Variants in CTNND2 observed in about 807,000 individuals in gnomAD.
CTNND2 encodes the protein catenin delta 2.
A neutral mutation model predicts 144.4 loss-of-function variants in CTNND2; 22 were observed. The observed-to-expected ratio is 0.15, with a 90% CI of 0.11 to 0.22. The LOEUF is 0.22. CTNND2 is among the 10% of genes least tolerant of loss of function. CTNND2 has a pLI of 1.00. For missense variants in CTNND2, 1,353 were observed against 1,618.8 expected (o/e 0.84, Z 2.82); for synonymous variants, 751 against 695.6 (o/e 1.08, Z -1.25).
intron 2 of CTNND2, among the ~76,000 whole-genome samples, chr5:11,704,263 G>T (rs1400936519): frequency 1.3e-5 from 2 of 152,208 alleles, no homozygotes; most frequent in African/African-American, 4.8e-5. Flanking sequence ...ACAATCCAAT[G>T]CATGGCCTTG....
intron 2 of CTNND2, among the ~76,000 whole-genome samples, chr5:11,674,716 T>TTTGTTTGTTTGGTTGGTTGGTTGG (rs368963579): frequency 6.6e-6 from 1 of 150,886 alleles, no homozygotes; most frequent in African/African-American, 2.5e-5. Flanking sequence ...TGTTTGTTTG[T>TTTGTTTGTTTGGTTGGTTGGTTGG]TTGGTTGGTT....
intron 6 of CTNND2, among the ~76,000 whole-genome samples, chr5:11,388,858 C>G (rs557413016): frequency 4.2e-4 from 64 of 152,178 alleles, no homozygotes; most frequent in Non-Finnish European, 8.4e-4. Context: ...TCAATTCTAC[C>G]TTAAAAGTAT....
chr5:10,995,336 A>T (rs1240940663), intron 18 of CTNND2, among the ~76,000 whole-genome samples: 2 of 152,158 alleles, frequency 1.3e-5, no homozygotes, highest in African/African-American at 4.8e-5. Flanking sequence ...GGAGGGTGTG[A>T]CTGTGGCATC....
intron 1 of CTNND2, among the ~76,000 whole-genome samples, chr5:11,823,103 C>T (rs1793405208): frequency 6.6e-6 from 1 of 152,182 alleles, no homozygotes; most frequent in Admixed American, 6.5e-5. Context: ...TCAGTGCATA[C>T]TTTTAATATT....
chr5:11,482,140 A>ATG (rs1045753730), intron 3 of CTNND2, among the ~76,000 whole-genome samples: 53 of 152,158 alleles, frequency 3.5e-4, no homozygotes, highest in Admixed American at 8.5e-4. Flanking sequence ...CGTGGACACT[A>ATG]TGGCACTGAC....
At chr5:11,195,268 T>C (rs1047021963) in intron 11 of CTNND2, among the ~76,000 whole-genome samples, 5 of 152,206 alleles carry the variant, frequency 3.3e-5, no homozygotes, top group African/African-American at 1.2e-4. Context: ...GAATTTTCCA[T>C]CTAGAATTGT....
chr5:11,340,513 T>A (rs16901522), intron 9 of CTNND2, among the ~76,000 whole-genome samples: 4,696 of 152,242 alleles, frequency 0.031, 264 homozygotes, highest in East Asian at 0.16. Flanking sequence ...TGTCTGATTT[T>A]CCCATTTCAA....
At chr5:11,407,176 A>G (rs16901600) in intron 5 of CTNND2, among the ~76,000 whole-genome samples, 2,116 of 152,312 alleles carry the variant, frequency 0.014, 56 homozygotes, top group African/African-American at 0.048. Flanking sequence ...CATTATGTAG[A>G]AAGCTAATGG....
chr5:11,170,237 C>T (rs991272196), intron 11 of CTNND2, among the ~76,000 whole-genome samples: 2 of 152,116 alleles, frequency 1.3e-5, no homozygotes, highest in African/African-American at 2.4e-5. Context: ...AGAGATGTGG[C>T]GTGCTATCCT....
intron 2 of CTNND2, among the ~76,000 whole-genome samples, chr5:11,687,671 A>G (rs886195473): frequency 6.6e-6 from 1 of 152,212 alleles, no homozygotes; most frequent in Non-Finnish European, 1.5e-5. Context: ...CCTCCTTTCC[A>G]GAGCTAAAAA....
rs112364462 is a variant in CTNND2, at chr5:11,778,742, T to C, written c.38-46470A>G. 4.6e-3 allele frequency among the ~76,000 whole-genome samples: 696 copies of C among 152,198 alleles called. 10 individuals are homozygous for C. Among genetic ancestry groups the C allele is most frequent in the African/African-American group, 0.014 (593 of 41,514 alleles). On this transcript the variant is annotated intron_variant, in intron 1 of 21. Transcript: ENST00000304623. ...AAAGGAAAAGGATACTGGAGAAACA[T>C]TGAGGAAATATGAATGAACTACAGG...
chr5:11,813,022 T>G (rs907048057), intron 1 of CTNND2, among the ~76,000 whole-genome samples: 2 of 152,210 alleles, frequency 1.3e-5, no homozygotes, highest in African/African-American at 4.8e-5. Flanking sequence ...TGTTTTAGAA[T>G]CTTATTTGTA....
At chr5:11,755,972 T>C (rs1461736772) in intron 1 of CTNND2, among the ~76,000 whole-genome samples, 4 of 151,678 alleles carry the variant, frequency 2.6e-5, no homozygotes, top group Non-Finnish European at 4.4e-5. Context: ...TGAAGAACCA[T>C]TGCTGAAGAA....
chr5:11,558,617 G>C (rs749977140), intron 3 of CTNND2, among the ~76,000 whole-genome samples: 1 of 152,096 alleles, frequency 6.6e-6, no homozygotes, highest in African/African-American at 2.4e-5. Flanking sequence ...CAATCCACCT[G>C]CTTTGGTCTC....
chr5:11,286,290 A>G (rs1008933533), intron 9 of CTNND2, among the ~76,000 whole-genome samples: 4 of 152,200 alleles, frequency 2.6e-5, no homozygotes, highest in African/African-American at 9.6e-5. Context: ...GAATCTAGAT[A>G]CCATCAATAA....
At chr5:11,326,764 G>A (rs1269907696) in intron 9 of CTNND2, among the ~76,000 whole-genome samples, 1 of 152,112 alleles carries the variant, frequency 6.6e-6, no homozygotes. Flanking sequence ...GAAAAGAGCT[G>A]GGCAACACCG....
At position 11,287,246 on chromosome 5, in the gene CTNND2, G is replaced by C. The variant is rs567749623; in HGVS notation, c.1629-50423C>G. On this transcript the variant is annotated intron_variant, in intron 9 of 21. Transcript: ENST00000304623. ...ATTTAAATCAGTCAACTTTAAGTAA[G>C]GCAGATAACCCAAAATGCGCATGGG... Among the ~76,000 whole-genome samples the C allele has an allele frequency of 2.6e-5, 4 of 152,146 alleles. No homozygotes were observed. The South Asian group carries it at 8.3e-4, about 32-fold the overall frequency.
At position 11,166,927 on chromosome 5, in the gene CTNND2, C is replaced by T. The variant is rs183558456; in HGVS notation, c.1976-7168G>A. 1.4e-4 allele frequency among the ~76,000 whole-genome samples: 22 copies of T among 152,240 alleles called. No individual in the cohort carries two copies. The East Asian group carries it at 2.3e-3, about 16-fold the overall frequency. On this transcript the variant is annotated intron_variant, in intron 11 of 21. Coordinates refer to ENST00000304623, the MANE Select transcript of CTNND2 (RefSeq NM_001332.4). ...AAAAATTAAAGCGTTTATCTTGAGT[C>T]GATGTTAGATAGAGTTTACCAAATG...
intron 9 of CTNND2, among the ~76,000 whole-genome samples, chr5:11,284,973 A>G (rs1014042072): frequency 6.6e-6 from 1 of 152,168 alleles, no homozygotes; most frequent in Non-Finnish European, 1.5e-5. Context: ...TCCTTGACAA[A>G]GCTTTAGTCA....
Sources: allele counts gnomAD v4.1 joint callset (sites outside exome capture counted in the v4.1 genomes callset), GRCh38; gene constraint gnomAD v4.1.1; transcripts MANE v1.5; gene names NCBI Gene and HGNC (gene_info 2026-07-23, HGNC 2026-07-21).